The following SOX5 variants were observed in gnomAD, a reference collection of about 807,000 sequenced individuals.
The protein encoded by SOX5 is SRY-box transcription factor 5.
A neutral mutation model predicts 92.0 loss-of-function variants in SOX5; 9 were observed. That is an observed-to-expected ratio of 0.10 (90% CI 0.06 to 0.17). SOX5 has a LOEUF of 0.17. SOX5 is among the 10% of genes least tolerant of loss of function. The probability of loss-of-function intolerance (pLI) is 1.00; values close to 1 mark genes in which losing one functional copy is unlikely to be tolerated. For synonymous variants in SOX5, 344 were observed against 336.3 expected, an observed-to-expected ratio of 1.02 and a Z score of -0.25; for missense variants, 642 against 944.5, an observed-to-expected ratio of 0.68 and a Z score of 4.20.
At chr12:23,892,463 T>C (rs1278237173) in intron 2 of SOX5, among the ~76,000 whole-genome samples, 1 of 152,202 alleles carries the variant, frequency 6.6e-6, no homozygotes, top group African/African-American at 2.4e-5. Context: ...ATTTTTCTTT[T>C]GCTAAGAAAA....
rs769840689 is a variant in SOX5 at position 23,826,193 on chromosome 12, G to C, written c.481+19790C>G. Among the ~76,000 whole-genome samples, 81 of 99,336 alleles carry C rather than the reference G, an allele frequency of 8.2e-4. No homozygotes were observed. In the Middle Eastern group the frequency reaches 0.025, roughly 31 times the overall value. 65.2% of individuals were successfully genotyped at this position (99,336 alleles called of 152,430 possible). On this transcript the variant is annotated intron_variant, in intron 3 of 14. Coordinates refer to ENST00000451604, the MANE Select transcript of SOX5 (RefSeq NM_006940.6). ...TCCCCCCTCCCCCTACCCCACAACA[G>C]GCCCCGGTGTGTGATGTTCCCCTTC...
At chr12:23,695,655 A>T (rs951207032) in intron 6 of SOX5, among the ~76,000 whole-genome samples, 1 of 152,106 alleles carries the variant, frequency 6.6e-6, no homozygotes, top group African/African-American at 2.4e-5. Flanking sequence ...CACAATAAAA[A>T]TATGGGCCGG....
At chr12:23,758,576 C>T (rs1351642159) in intron 3 of SOX5, among the ~76,000 whole-genome samples, 1 of 151,948 alleles carries the variant, frequency 6.6e-6, no homozygotes, top group African/African-American at 2.4e-5. Context: ...GAAACCAAAA[C>T]TTAGGAAGTT....
At chr12:23,828,351 T>C (rs2096265049) in intron 3 of SOX5, among the ~76,000 whole-genome samples, 1 of 152,202 alleles carries the variant, frequency 6.6e-6, no homozygotes, top group African/African-American at 2.4e-5. Context: ...CACACATGTA[T>C]GTGTATAAAA....
intron 11 of SOX5, among the ~76,000 whole-genome samples, 154 bp downstream of exon 11, chr12:23,563,104 A>AT (rs1946497271): frequency 6.6e-6 from 1 of 152,246 alleles, no homozygotes; most frequent in Non-Finnish European, 1.5e-5. Context: ...GGTTTTGATT[A>AT]GGATGGCGAT....
At chr12:23,556,469 C>T (rs1179497676) in intron 11 of SOX5, among the ~76,000 whole-genome samples, 5 of 152,044 alleles carry the variant, frequency 3.3e-5, no homozygotes, top group Non-Finnish European at 7.4e-5. Flanking sequence ...TTAATTTGTT[C>T]TTAGGCAAAT....
intron 4 of SOX5, among the ~76,000 whole-genome samples, chr12:23,959,697 T>G (rs192535480): frequency 7.2e-4 from 110 of 152,020 alleles, no homozygotes; most frequent in African/African-American, 2.5e-3. Context: ...GAGAAAAAGA[T>G]CAACAAGTCA....
intron 1 of SOX5, among the ~76,000 whole-genome samples, chr12:23,922,106 C>G (rs985236423): frequency 6.6e-6 from 1 of 152,170 alleles, no homozygotes; most frequent in Admixed American, 6.5e-5. Flanking sequence ...AGGAATAATA[C>G]TATAAACCAG....
intron 4 of SOX5, among the ~76,000 whole-genome samples, chr12:23,742,019 A>C (rs2093814337): frequency 6.6e-6 from 1 of 152,200 alleles, no homozygotes; most frequent in Non-Finnish European, 1.5e-5. Flanking sequence ...AAGTACTACC[A>C]GTAGGAGAGA....
chr12:23,591,861 T>C (rs969414971), intron 9 of SOX5, among the ~76,000 whole-genome samples: 8 of 152,180 alleles, frequency 5.3e-5, no homozygotes, highest in African/African-American at 1.9e-4. Flanking sequence ...TTATGTTATT[T>C]GAAGTGCTAC....
At chr12:23,629,505 T>C (rs1025046330) in intron 8 of SOX5, among the ~76,000 whole-genome samples, 3 of 152,050 alleles carry the variant, frequency 2.0e-5, no homozygotes, top group Non-Finnish European at 2.9e-5. Context: ...AATAGAAGAA[T>C]GGTTTTTAAG....
intron 4 of SOX5, among the ~76,000 whole-genome samples, chr12:24,014,091 G>T (rs907355826): frequency 6.6e-6 from 1 of 152,176 alleles, no homozygotes; most frequent in African/African-American, 2.4e-5. Context: ...TTTATGAAAA[G>T]ATTTACTTTC....
chr12:24,208,692 C>A (rs866792088), intron 4 of SOX5, among the ~76,000 whole-genome samples: 1 of 152,122 alleles, frequency 6.6e-6, no homozygotes, highest in Non-Finnish European at 1.5e-5. Flanking sequence ...CAGCTCTTCA[C>A]GCCAAATTTA....
At chr12:23,874,475 T>A (rs995566784) in intron 2 of SOX5, among the ~76,000 whole-genome samples, 7 of 152,158 alleles carry the variant, frequency 4.6e-5, no homozygotes, top group African/African-American at 1.7e-4. Flanking sequence ...ATTCTCTTTT[T>A]AAAATTTCCC....
rs114169121 is a variant in SOX5 at position 24,023,742 on chromosome 12, T to C, written c.-1-127718A>G. On this transcript the variant is annotated intron_variant, in intron 4 of 4. Transcript: ENST00000446891. ...TGTCATATGCTCAGCTACATATACA[T>C]TTATTTGTCTATTTTATTTATCTTT... 3.9e-3 allele frequency among the ~76,000 whole-genome samples: 595 copies of C among 152,186 alleles called. 6 individuals are homozygous for C. Among genetic ancestry groups the C allele is most frequent in the African/African-American group, 0.014 (564 of 41,546 alleles).
In SOX5 at chr12:24,503,973, T is replaced by TA. The variant is rs1009885303; in HGVS notation, c.-251+58355dup. The stretch of plus-strand genomic sequence containing the variant: ...TGTATCCCAGAACTTAAAGTATAAT[T>TA]AAAAAAAAAACAACACATTTTGAGT... On this transcript the variant is annotated intron_variant, in intron 1 of 4. Coordinates refer to the SOX5 transcript ENST00000446891. Among the ~76,000 whole-genome samples, 104 of 148,008 alleles carry TA rather than the reference T, an allele frequency of 7.0e-4. No homozygotes were observed. The East Asian group carries it at 0.015, about 21-fold the overall frequency.
At chr12:23,625,667 T>G (rs893662556) in intron 8 of SOX5, among the ~76,000 whole-genome samples, 1 of 152,186 alleles carries the variant, frequency 6.6e-6, no homozygotes, top group Non-Finnish European at 1.5e-5. Context: ...TGGTGTGCGG[T>G]GGCGTGATCT....
intron 4 of SOX5, among the ~76,000 whole-genome samples, chr12:24,146,768 A>T (rs1387534367): frequency 6.6e-6 from 1 of 151,708 alleles, no homozygotes; most frequent in Middle Eastern, 3.2e-3. Context: ...GAAGATACAA[A>T]TTACCAATAT....
chr12:24,130,008 T>C (rs1287009300), intron 4 of SOX5, among the ~76,000 whole-genome samples: 1 of 152,200 alleles, frequency 6.6e-6, no homozygotes, highest in Non-Finnish European at 1.5e-5. Flanking sequence ...TGTATGTATG[T>C]GTATATTTAA....
Sources: gnomAD v4.1 joint callset for allele counts (sites outside exome capture counted in the v4.1 genomes callset) on GRCh38, gnomAD v4.1.1 for gene constraint, MANE v1.5 for transcripts, NCBI Gene and HGNC (gene_info 2026-07-23, HGNC 2026-07-21) for gene names.